Variants in CLEC4C observed in about 807,000 individuals in gnomAD.
CLEC4C encodes C-type lectin domain family 4 member C.
A neutral mutation model predicts 27.7 loss-of-function variants in CLEC4C; 17 were observed. The observed-to-expected ratio is 0.61, with a 90% CI of 0.42 to 0.92. The LOEUF is 0.92. CLEC4C is among the 40% of genes least tolerant of loss of function. The pLI is 0.00. For missense variants in CLEC4C, 244 were observed against 257.3 expected, an observed-to-expected ratio of 0.95 and a Z score of 0.35; for synonymous variants, 80 against 80.8, an observed-to-expected ratio of 0.99 and a Z score of 0.06.
At chr12:7,742,433 C>T (rs1864876718) in intron 2 of CLEC4C, among the ~76,000 whole-genome samples, 1 of 150,948 alleles carries the variant, frequency 6.6e-6, no homozygotes, top group African/African-American at 2.4e-5. Flanking sequence ...ATCACTTGAA[C>T]CTGGGAGGTG....
At chr12:7,729,826 G>T in intron 5 of CLEC4C, 86 bp from the exon 6 acceptor site, 1 of 1,280,120 alleles carries the variant, frequency 7.8e-7, no homozygotes, top group Non-Finnish European at 1.1e-6. Context: ...GTTAAACAGT[G>T]CGAAAGTCAA....
In CLEC4C at chr12:7,730,839, TG is replaced by T. The variant is rs778910768; in HGVS notation, c.454del (p.His152IlefsTer31). 9.7e-4 allele frequency: 1,569 copies of T among 1,610,574 alleles called. No individual in the cohort carries two copies. Among genetic ancestry groups the T allele is most frequent in the Non-Finnish European group, 1.2e-3 (1,427 of 1,177,136 alleles). On this transcript the variant is annotated frameshift_variant, in exon 5 of 6. Transcript: ENST00000360345. LOFTEE classifies it low-confidence loss of function (END_TRUNC). ...TGGTGTCTGGTCAACCCATTGCCAA[TG>T]TCGCCGACCCCCTGGATCTGACAGC... ...LGLSDPGGRR[H>X]WQWVDQTPYN...
intron 4 of CLEC4C, among the ~76,000 whole-genome samples, chr12:7,733,698 G>T (rs1354167589): frequency 6.6e-6 from 1 of 151,588 alleles, no homozygotes; most frequent in Non-Finnish European, 1.5e-5. Flanking sequence ...AGCCAGGATG[G>T]TCTCAATCTC....
rs1407857762 is a variant in CLEC4C, at chr12:7,742,512, A to G, written c.125-981T>C. On this transcript the variant is annotated intron_variant, in intron 2 of 5. Transcript: ENST00000360345. The stretch of plus-strand genomic sequence containing the variant: ...GGCAATAGAGCCAGACTTTGTCTCG[A>G]AAAAAAAAAAAAAAAGCCTGGGCAC... 2.9e-4 allele frequency among the ~76,000 whole-genome samples: 12 copies of G among 42,072 alleles called. No homozygotes were observed. The East Asian group carries it at 3.0e-3, about 10-fold the overall frequency. The allele number at this position is 42,072 out of a possible 152,430, so 27.6% of individuals were successfully genotyped here.
At chr12:7,742,790 C>A (rs1323550812) in intron 2 of CLEC4C, among the ~76,000 whole-genome samples, 1 of 151,106 alleles carries the variant, frequency 6.6e-6, no homozygotes, top group Non-Finnish European at 1.5e-5. Context: ...AGCCTGGCAA[C>A]AGAACGAGAC....
chr12:7,747,938 A>AG (rs1294262629), upstream of CLEC4C, among the ~76,000 whole-genome samples: 2 of 151,448 alleles, frequency 1.3e-5, no homozygotes, highest in African/African-American at 4.8e-5. Context: ...AAAAAAAAAA[A>AG]AAGCCTCTTT....
At position 7,746,893 on chromosome 12, in the gene CLEC4C, C is replaced by T. The variant is rs147527087; in HGVS notation, c.31+425G>A. On this transcript the variant is annotated intron_variant, in intron 1 of 5. Transcript: ENST00000360345. ...AGGCTGGAGTGCAATGGCACGATCTCGGCTCACTGCAACCTCCGCCTCCCA... is the reference window on the plus strand; with the variant it reads ...AGGCTGGAGTGCAATGGCACGATCTTGGCTCACTGCAACCTCCGCCTCCCA... Among the ~76,000 whole-genome samples the T allele has an allele frequency of 1.7e-3, 253 of 152,162 alleles. 2 individuals are homozygous for T. The highest frequency in any genetic ancestry group is 3.0e-3 in the Non-Finnish European group (201 of 67,992).
rs762441750 is a variant in CLEC4C, at chr12:7,741,515, C to A, written c.141G>T (p.Met47Ile). 3.3e-5 allele frequency: 53 copies of A among 1,601,152 alleles called. No individual in the cohort carries two copies. Among genetic ancestry groups the A allele is most frequent in the Non-Finnish European group, 4.4e-5 (52 of 1,169,268 alleles). The change falls in exon 3 of 6, where the codon ATG becomes ATT. Residue 47 changes from methionine to isoleucine, a missense_variant. Physicochemically the swap from Met to Ile is conservative, Grantham distance 10 (BLOSUM62 1). Coordinates refer to ENST00000360345, the MANE Select transcript of CLEC4C (RefSeq NM_001371390.1). Reference protein sequence around the residue: ...TVSSVVPHNFMYSKTVKRLSK... With the variant: ...TVSSVVPHNFIYSKTVKRLSK... ...ACAGCCTCTTGACAGTTTTGCTATA[C>A]ATAAAATTGTGAGGCACTGGGAAAG...
chr12:7,746,301 GAGATGACTGC>G lies in CLEC4C; in HGVS notation c.124+20_124+29del, dbSNP rs1480421474. ...AAAATGTGATTGGGAAAAGGACCAA[GAGATGACTGC>G]ACTCCAGCCAAGAACTTACCCACAG... On this transcript the variant is annotated intron_variant, in intron 2 of 5. Transcript: ENST00000360345. 2 of 1,266,182 alleles carry G rather than the reference GAGATGACTGC, an allele frequency of 1.6e-6. No individual in the cohort carries two copies. Among genetic ancestry groups the G allele is most frequent in the Non-Finnish European group, 2.3e-6 (2 of 870,144 alleles). The allele number at this position is 1,266,182 out of a possible 1,614,324, so 78.4% of individuals were successfully genotyped here.
At chr12:7,737,614 A>T in intron 3 of CLEC4C, 40 bp from the exon 4 acceptor site, 1 of 1,575,898 alleles carries the variant, frequency 6.3e-7, no homozygotes. Flanking sequence ...ATATTAACAG[A>T]GAATTCTCCT....
At chr12:7,747,733 G>C (rs1235134035), upstream of CLEC4C, among the ~76,000 whole-genome samples, 1 of 138,796 alleles carries the variant, frequency 7.2e-6, no homozygotes, top group African/African-American at 2.7e-5. Context: ...CCTCTGCCTC[G>C]CGGGTTCAAG....
intron 4 of CLEC4C, among the ~76,000 whole-genome samples, chr12:7,731,633 CA>C (rs1864597444): frequency 6.6e-6 from 1 of 152,162 alleles, no homozygotes; most frequent in African/African-American, 2.4e-5. Flanking sequence ...TCTGGCTGAG[CA>C]GGGCTGGATC....
intron 3 of CLEC4C, among the ~76,000 whole-genome samples, chr12:7,739,263 C>A (rs927608986): frequency 2.0e-5 from 3 of 151,904 alleles, no homozygotes; most frequent in African/African-American, 7.3e-5. Context: ...CAGGTGCCCG[C>A]CACCACGCCC....
chr12:7,734,800 A>G (rs1420170128), intron 4 of CLEC4C, among the ~76,000 whole-genome samples: 1 of 151,920 alleles, frequency 6.6e-6, no homozygotes, highest in African/African-American at 2.4e-5. Flanking sequence ...CACCCGCCTC[A>G]GCCTCCCAAA....
upstream of CLEC4C, among the ~76,000 whole-genome samples, chr12:7,748,833 C>T (rs891155349): frequency 2.0e-5 from 3 of 152,088 alleles, no homozygotes; most frequent in Admixed American, 2.0e-4. Flanking sequence ...ATTATAAAAG[C>T]AGAAAGAATG....
intron 4 of CLEC4C, among the ~76,000 whole-genome samples, chr12:7,735,196 T>C (rs1487504914): frequency 4.7e-5 from 7 of 148,692 alleles, no homozygotes; most frequent in African/African-American, 9.9e-5. Context: ...AGAGAGACTC[T>C]GTCTCAAAAA....
intron 4 of CLEC4C, among the ~76,000 whole-genome samples, chr12:7,732,860 A>T (rs1439516874): frequency 2.0e-5 from 3 of 151,704 alleles, no homozygotes; most frequent in Non-Finnish European, 4.4e-5. Context: ...GAGGCAGGAG[A>T]ATGGCATGAA....
intron 2 of CLEC4C, 97 bp from the exon 3 acceptor site, chr12:7,741,628 C>T: frequency 1.4e-6 from 1 of 701,174 alleles, no homozygotes; most frequent in Non-Finnish European, 2.6e-6. Flanking sequence ...TGACTCACGC[C>T]TGTAATCTCA....
chr12:7,739,262 G>A (rs1460492415), intron 3 of CLEC4C, among the ~76,000 whole-genome samples: 5 of 151,726 alleles, frequency 3.3e-5, no homozygotes, highest in African/African-American at 1.2e-4. Context: ...ACAGGTGCCC[G>A]CCACCACGCC....
Sources: allele counts gnomAD v4.1 joint callset (sites outside exome capture counted in the v4.1 genomes callset), GRCh38; gene constraint gnomAD v4.1.1; transcripts MANE v1.5; gene names NCBI Gene and HGNC (gene_info 2026-07-23, HGNC 2026-07-21).